IL1RAPL1: variants seen among roughly 807,000 people sequenced by gnomAD.
IL1RAPL1 encodes interleukin-1 receptor accessory protein-like 1.
In IL1RAPL1, 3 loss-of-function variants were observed where a neutral mutation model predicts 48.4. The ratio of observed to expected loss-of-function variants is 0.06; its 90% CI spans 0.03 to 0.16. The LOEUF (loss-of-function observed/expected upper bound fraction) is 0.16. Among genes scored for constraint, IL1RAPL1 ranks in the 10% least tolerant of loss-of-function variants. IL1RAPL1 has a pLI of 1.00. For missense variants in IL1RAPL1, 349 were observed against 530.6 expected (o/e 0.66, Z 3.36); for synonymous variants, 185 against 187.7 (o/e 0.99, Z 0.12).
In IL1RAPL1 at chrX:29,712,280, A is replaced by C. The variant is rs193240309; in HGVS notation, c.778+43776A>C. Among the ~76,000 whole-genome samples the C allele has an allele frequency of 6.8e-3, 748 of 110,470 alleles. 6 individuals carry two copies. The highest frequency in any genetic ancestry group is 0.023 in the African/African-American group (715 of 30,497). On this transcript the variant is annotated intron_variant, in intron 6 of 10. Transcript: ENST00000378993. ...ACTAAGGTGATATCAGAAAATTTTCACTCAAATGAATAAAAAAAAGAATGA... is the reference window on the plus strand; with the variant it reads ...ACTAAGGTGATATCAGAAAATTTTCCCTCAAATGAATAAAAAAAAGAATGA...
intron 3 of IL1RAPL1, among the ~76,000 whole-genome samples, chrX:29,345,874 C>G (rs1933143494): frequency 8.9e-6 from 1 of 111,831 alleles, no homozygotes; most frequent in East Asian, 2.8e-4. Flanking sequence ...AATCAAACAA[C>G]TATGGAATAT....
At chrX:29,654,138 A>G (rs1034301185) in intron 5 of IL1RAPL1, among the ~76,000 whole-genome samples, 23 of 109,339 alleles carry the variant, frequency 2.1e-4, no homozygotes, top group African/African-American at 7.0e-4. Context: ...CCACCAAATT[A>G]AAGTAGCTTT....
intron 2 of IL1RAPL1, among the ~76,000 whole-genome samples, chrX:29,026,249 C>G (rs780047684): frequency 2.7e-5 from 3 of 111,897 alleles, no homozygotes; most frequent in Non-Finnish European, 3.8e-5. Flanking sequence ...GGTAGTGTGA[C>G]TACTGATTTG....
chrX:29,847,912 A>G (rs1042304865), intron 6 of IL1RAPL1, among the ~76,000 whole-genome samples: 1 of 111,610 alleles, frequency 9.0e-6, no homozygotes. Flanking sequence ...AAATTTGTAC[A>G]TTTTGAAGTT....
intron 5 of IL1RAPL1, among the ~76,000 whole-genome samples, chrX:29,487,504 C>T (rs747720809): frequency 1.8e-5 from 2 of 111,616 alleles, no homozygotes; most frequent in East Asian, 2.8e-4. Flanking sequence ...AGAAGATGGG[C>T]GTGCATGCTA....
At chrX:29,941,877 C>A in intron 9 of IL1RAPL1, 83 bp downstream of exon 9, 4 of 876,962 alleles carry the variant, frequency 4.6e-6, no homozygotes, top group Non-Finnish European at 6.6e-6. Flanking sequence ...AAAAAAATTA[C>A]GTGCATAATC....
At chrX:29,172,898 T>A (rs1026019202) in intron 2 of IL1RAPL1, among the ~76,000 whole-genome samples, 1 of 111,555 alleles carries the variant, frequency 9.0e-6, no homozygotes, top group Non-Finnish European at 1.9e-5. Flanking sequence ...GAAAAACTGG[T>A]GAATTTGGCA....
chrX:29,887,428 A>G (rs1041599475), intron 6 of IL1RAPL1, among the ~76,000 whole-genome samples: 1 of 111,950 alleles, frequency 8.9e-6, no homozygotes, highest in Non-Finnish European at 1.9e-5. Context: ...AGTGGGGCCA[A>G]TTTGGTCTCT....
chrX:28,814,337 A>G (rs1936830561), intron 2 of IL1RAPL1, among the ~76,000 whole-genome samples: 1 of 71,701 alleles, frequency 1.4e-5, no homozygotes, highest in Non-Finnish European at 2.7e-5. Context: ...GGCAATTTTC[A>G]GGTTTGTGTG....
chrX:28,785,237 G>A (rs186269246), intron 1 of IL1RAPL1, among the ~76,000 whole-genome samples: 1 of 111,517 alleles, frequency 9.0e-6, no homozygotes, highest in Admixed American at 9.5e-5. Context: ...TGATCCACCC[G>A]CCTCAGCCTC....
chrX:29,300,907 C>G (rs764659945), intron 3 of IL1RAPL1, among the ~76,000 whole-genome samples: 2 of 110,292 alleles, frequency 1.8e-5, no homozygotes, highest in Non-Finnish European at 3.8e-5. Flanking sequence ...CCCTAATCGC[C>G]CCCCCTGGAG....
chrX:29,295,332 A>G (rs975629519), intron 3 of IL1RAPL1, among the ~76,000 whole-genome samples: 2 of 112,221 alleles, frequency 1.8e-5, no homozygotes, highest in Admixed American at 9.4e-5. Context: ...GGAAACATGT[A>G]AATAAAGTTC....
intron 3 of IL1RAPL1, among the ~76,000 whole-genome samples, chrX:29,301,699 A>G (rs1932538052): frequency 8.9e-6 from 1 of 111,860 alleles, no homozygotes; most frequent in Admixed American, 9.6e-5. Context: ...AATAGACAAG[A>G]CACAAATTGG....
intron 6 of IL1RAPL1, among the ~76,000 whole-genome samples, chrX:29,821,457 AAAAAT>A (rs1930616109): frequency 1.5e-5 from 1 of 68,644 alleles, no homozygotes; most frequent in Admixed American, 1.4e-4. Flanking sequence ...CTCAAAAATA[AAAAAT>A]AAAATAAAAA....
At chrX:29,676,066 T>C (rs193178836) in intron 6 of IL1RAPL1, among the ~76,000 whole-genome samples, 2 of 111,811 alleles carry the variant, frequency 1.8e-5, no homozygotes, top group East Asian at 2.8e-4. Flanking sequence ...TGGCTCCCAG[T>C]TGAAATCTCA....
chrX:29,365,151 ATAGACT>A (rs1933434040), intron 3 of IL1RAPL1, among the ~76,000 whole-genome samples: 1 of 111,717 alleles, frequency 9.0e-6, no homozygotes, highest in African/African-American at 3.3e-5. Context: ...TGCTAGGAAA[ATAGACT>A]TAGATGGGTG....
At chrX:28,674,102 T>G (rs915786568) in intron 1 of IL1RAPL1, among the ~76,000 whole-genome samples, 2 of 112,278 alleles carry the variant, frequency 1.8e-5, no homozygotes, top group Non-Finnish European at 3.8e-5. Context: ...AATGCGATTG[T>G]TTTGTTAAAT....
chrX:28,687,014 A>G, intron 1 of IL1RAPL1, among the ~76,000 whole-genome samples: 1 of 112,121 alleles, frequency 8.9e-6, no homozygotes, highest in Middle Eastern at 4.6e-3. Flanking sequence ...AAACTAGTTT[A>G]CTTGTATGTT....
rs1180304506 is a variant in IL1RAPL1 at position 29,668,456 on chromosome X, C to T, written c.730C>T (p.Leu244Phe). The change falls in exon 6 of 11, where the codon CTT becomes TTT. Residue 244 changes from leucine (L) to phenylalanine (F), a missense_variant. By Grantham distance (22) the Leu-to-Phe change is conservative. This residue lies in a region of IL1RAPL1 where 238 missense variants were observed against 337.8 expected (regional missense o/e 0.70). Coordinates refer to ENST00000378993, the MANE Select transcript of IL1RAPL1 (RefSeq NM_014271.4). ...CCCTCTGACTGATAAGCCACCCAAG[C>T]TTTTGTATCCTATGGAAAGTAAACT... The part of the protein sequence containing the change: ...TAPLTDKPPK[L>F]LYPMESKLTI... 1 of 1,209,270 alleles carries T rather than the reference C, an allele frequency of 8.3e-7. No individual in the cohort carries two copies.
Sources: allele counts gnomAD v4.1 joint callset (sites outside exome capture counted in the v4.1 genomes callset), GRCh38; gene constraint gnomAD v4.1.1; regional missense constraint gnomAD v4.1.1; transcripts MANE v1.5; gene names NCBI Gene and HGNC (gene_info 2026-07-23, HGNC 2026-07-21).